Variants in RIGI observed in about 807,000 individuals in gnomAD.
The protein encoded by RIGI is antiviral innate immune response receptor RIG-I.
the RIGI span, among the ~76,000 whole-genome samples, chr9:32,503,619 TGTG>T: frequency 3.9e-5 from 6 of 152,308 alleles, no homozygotes; most frequent in African/African-American, 1.4e-4. Context: ...ACATTTGTCT[TGTG>T]ATCATCAGCA....
At chr9:32,498,996 A>AAC in the RIGI span, among the ~76,000 whole-genome samples, 3 of 151,684 alleles carry the variant, frequency 2.0e-5, no homozygotes, top group African/African-American at 7.3e-5. Flanking sequence ...AAAAAAAAAA[A>AAC]AAAAAAAAAG....
the RIGI span, among the ~76,000 whole-genome samples, chr9:32,497,437 G>A: frequency 6.6e-6 from 1 of 152,094 alleles, no homozygotes; most frequent in Non-Finnish European, 1.5e-5. Flanking sequence ...AAAATCTTTA[G>A]GGTTTTCTAC....
the RIGI span, chr9:32,491,240 A>G: frequency 9.5e-6 from 15 of 1,579,342 alleles, no homozygotes; most frequent in African/African-American, 1.9e-4. Flanking sequence ...CTGCAAAACA[A>G]GCCCCCACAC....
At chr9:32,476,342 T>TAA in the RIGI span, among the ~76,000 whole-genome samples, 1 of 151,818 alleles carries the variant, frequency 6.6e-6, no homozygotes, top group African/African-American at 2.4e-5. Context: ...CAAAAATAAA[T>TAA]AAACAAATTA....
chr9:32,487,987 A>G, the RIGI span: 1 of 1,614,122 alleles, frequency 6.2e-7, no homozygotes, highest in Non-Finnish European at 8.5e-7. Context: ...TCTGATCTAG[A>G]TAATTAAACA....
the RIGI span, chr9:32,467,838 G>A: frequency 6.2e-7 from 1 of 1,613,782 alleles, no homozygotes; most frequent in Admixed American, 1.7e-5. Flanking sequence ...CAATGTCAAT[G>A]CCTTCATCAG....
the RIGI span, among the ~76,000 whole-genome samples, chr9:32,525,303 A>T: frequency 6.6e-6 from 1 of 152,144 alleles, no homozygotes; most frequent in Non-Finnish European, 1.5e-5. Flanking sequence ...CGTGCGGGTT[A>T]CATAGTGGCA....
chr9:32,480,283 G>T, the RIGI span: 3 of 1,611,710 alleles, frequency 1.9e-6, no homozygotes, highest in Non-Finnish European at 2.5e-6. Context: ...CATTGCTGAA[G>T]AAGTCTTTCA....
chr9:32,499,073 T>A, the RIGI span, among the ~76,000 whole-genome samples: 1 of 151,892 alleles, frequency 6.6e-6, no homozygotes, highest in African/African-American at 2.4e-5. Context: ...TCAGTAGTTA[T>A]AAAATGTTAT....
the RIGI span, among the ~76,000 whole-genome samples, chr9:32,512,591 T>A: frequency 6.6e-6 from 1 of 152,198 alleles, no homozygotes; most frequent in Non-Finnish European, 1.5e-5. Flanking sequence ...GAGCTATTTA[T>A]GACAAACCCA....
At chr9:32,477,287 A>G in the RIGI span, among the ~76,000 whole-genome samples, 1 of 152,218 alleles carries the variant, frequency 6.6e-6, no homozygotes, top group African/African-American at 2.4e-5. Flanking sequence ...ACCTTTTAAG[A>G]GGTAATTTGG....
the RIGI span, among the ~76,000 whole-genome samples, chr9:32,514,660 C>T: frequency 6.6e-6 from 1 of 152,124 alleles, no homozygotes; most frequent in Non-Finnish European, 1.5e-5. Flanking sequence ...ACCACCATGG[C>T]ACGTGTATAC....
At chr9:32,456,102 T>C in the RIGI span, 1 of 152,110 alleles carries the variant, frequency 6.6e-6, no homozygotes, top group African/African-American at 2.4e-5. Flanking sequence ...ATCTTTCAAG[T>C]AGAAAGGACA....
chr9:32,499,323 T>TG, the RIGI span, among the ~76,000 whole-genome samples: 1 of 148,110 alleles, frequency 6.8e-6, no homozygotes, highest in Non-Finnish European at 1.5e-5. Flanking sequence ...TTTGTTTTTT[T>TG]TTTTTTTTTT....
chr9:32,522,833 A>C, the RIGI span, among the ~76,000 whole-genome samples: 1 of 152,194 alleles, frequency 6.6e-6, no homozygotes, highest in African/African-American at 2.4e-5. Flanking sequence ...GGGGGACTGA[A>C]ACCAACACAA....
At chr9:32,485,409 G>A in the RIGI span, 1 of 683,130 alleles carries the variant, frequency 1.5e-6, no homozygotes, top group Non-Finnish European at 2.5e-6. Context: ...AAAAACCTAA[G>A]GTTCCAGGCT....
At chr9:32,477,051 G>C in the RIGI span, 1 of 1,614,070 alleles carries the variant, frequency 6.2e-7, no homozygotes, top group Non-Finnish European at 8.5e-7. Context: ...TACTCTTCTT[G>C]TAAGATGAAG....
At chr9:32,459,440 T>G in the RIGI span, 1 of 1,613,950 alleles carries the variant, frequency 6.2e-7, no homozygotes, top group Non-Finnish European at 8.5e-7. Flanking sequence ...GTTTTTTATT[T>G]TCCTTATCAG....
the RIGI span, among the ~76,000 whole-genome samples, chr9:32,473,520 C>A: frequency 5.3e-5 from 8 of 151,914 alleles, no homozygotes; most frequent in African/African-American, 1.9e-4. Context: ...TTCCTGACCT[C>A]GTGATCCACC....
Sources: allele counts gnomAD v4.1 joint callset (sites outside exome capture counted in the v4.1 genomes callset), GRCh38; gene constraint gnomAD v4.1.1; transcripts MANE v1.5; gene names NCBI Gene and HGNC (gene_info 2026-07-23, HGNC 2026-07-21).